The following ZNF804B variants were observed in gnomAD, a reference collection of about 807,000 sequenced individuals.
ZNF804B encodes the protein zinc finger 804B.
A neutral mutation model predicts 101.4 loss-of-function variants in ZNF804B; 80 were observed. The ratio of observed to expected loss-of-function variants is 0.79; its 90% CI spans 0.66 to 0.95. ZNF804B has a LOEUF of 0.95. ZNF804B is among the 40% of genes least tolerant of loss of function. The pLI, the probability that ZNF804B is intolerant of heterozygous loss-of-function variation, is 0.00. For missense variants in ZNF804B, 1,673 were observed against 1,561.9 expected, an observed-to-expected ratio of 1.07 and a Z score of -1.20; for synonymous variants, 622 against 558.8, an observed-to-expected ratio of 1.11 and a Z score of -1.59.
chr7:88,849,703 ATTAAT>A (rs1791423497), intron 1 of ZNF804B, among the ~76,000 whole-genome samples: 1 of 151,222 alleles, frequency 6.6e-6, no homozygotes, highest in African/African-American at 2.4e-5. Flanking sequence ...TTTAAATTTT[ATTAAT>A]TTATTATTTA....
intron 1 of ZNF804B, among the ~76,000 whole-genome samples, chr7:89,168,905 T>C (rs1334054603): frequency 6.6e-6 from 1 of 152,090 alleles, no homozygotes; most frequent in Admixed American, 6.6e-5. Context: ...ACTCCCAAGA[T>C]GGCAGGAAGC....
intron 1 of ZNF804B, among the ~76,000 whole-genome samples, chr7:89,179,800 A>C (rs1195116122): frequency 6.6e-6 from 1 of 152,134 alleles, no homozygotes; most frequent in African/African-American, 2.4e-5. Flanking sequence ...CTTTCCAAAT[A>C]TTCAAAGGGA....
chr7:89,116,075 T>G lies in ZNF804B; in HGVS notation c.109-102080T>G, dbSNP rs1790307818. On this transcript the variant is annotated intron_variant, in intron 1 of 3. Transcript: ENST00000333190. ...ACATGCCACCATGCCCAGTTATTAT[T>G]TTTTTTTTTTGTATTTTTAGTAAAA... Among the ~76,000 whole-genome samples, 3 of 127,384 alleles carry G rather than the reference T, an allele frequency of 2.4e-5. No homozygotes were observed. The South Asian group carries it at 6.6e-4, about 28-fold the overall frequency. 83.6% of individuals were successfully genotyped at this position (127,384 alleles called of 152,430 possible).
chr7:88,973,520 G>T (rs1252535860), intron 1 of ZNF804B, among the ~76,000 whole-genome samples: 2 of 150,578 alleles, frequency 1.3e-5, no homozygotes, highest in East Asian at 3.9e-4. Flanking sequence ...TAATTTTCTA[G>T]CTAGCAATGT....
rs576341743 is a variant in ZNF804B at position 88,912,436 on chromosome 7, A to T, written c.108+152352A>T. On this transcript the variant is annotated intron_variant, in intron 1 of 3. Coordinates refer to ENST00000333190, the MANE Select transcript of ZNF804B (RefSeq NM_181646.5). Reference sequence around the variant, plus strand: ...TGGTGAGCAACATTTTTTAATTTAGATGAAGTATAAGTTATTAATTTCTTT... The same window carrying T: ...TGGTGAGCAACATTTTTTAATTTAGTTGAAGTATAAGTTATTAATTTCTTT... Among the ~76,000 whole-genome samples, 7 of 152,246 alleles carry T rather than the reference A, an allele frequency of 4.6e-5. No homozygotes were observed. In the South Asian group the frequency reaches 1.4e-3, roughly 31 times the overall value.
intron 1 of ZNF804B, among the ~76,000 whole-genome samples, chr7:88,871,649 AT>A (rs763466396): frequency 5.9e-5 from 9 of 152,106 alleles, no homozygotes; most frequent in Non-Finnish European, 1.3e-4. Context: ...GCATTTTTCC[AT>A]TTGTCGAAGG....
intron 1 of ZNF804B, among the ~76,000 whole-genome samples, chr7:88,938,911 C>T (rs1370050509): frequency 1.3e-5 from 2 of 151,864 alleles, no homozygotes; most frequent in Non-Finnish European, 2.9e-5. Context: ...CCTTAAGGAA[C>T]AAGTTTGTTT....
intron 1 of ZNF804B, among the ~76,000 whole-genome samples, chr7:88,999,487 T>C (rs1788252581): frequency 6.6e-6 from 1 of 151,964 alleles, no homozygotes; most frequent in Admixed American, 6.6e-5. Context: ...AGGGAACTTT[T>C]CATTAAACAC....
chr7:89,196,405 T>C (rs887034854), intron 1 of ZNF804B, among the ~76,000 whole-genome samples: 11 of 152,158 alleles, frequency 7.2e-5, no homozygotes, highest in African/African-American at 2.7e-4. Context: ...TAAATGGTGC[T>C]GGGAAAGCTG....
At chr7:89,037,236 A>G (rs182752355) in intron 1 of ZNF804B, among the ~76,000 whole-genome samples, 186 of 152,220 alleles carry the variant, frequency 1.2e-3, no homozygotes, top group African/African-American at 4.3e-3. Context: ...ATACCAATAG[A>G]AAATCAAATA....
chr7:88,896,739 T>C (rs1219571637), intron 1 of ZNF804B, among the ~76,000 whole-genome samples: 1 of 152,118 alleles, frequency 6.6e-6, no homozygotes, highest in Non-Finnish European at 1.5e-5. Flanking sequence ...CTATAATTGA[T>C]TTGGAATTGA....
chr7:89,126,526 CAAA>C (rs1349590660), intron 1 of ZNF804B, among the ~76,000 whole-genome samples: 1 of 151,928 alleles, frequency 6.6e-6, no homozygotes, highest in African/African-American at 2.4e-5. Context: ...TTCTTCATGA[CAAA>C]AACTTAGAAT....
chr7:89,085,583 A>T (rs886804641), intron 1 of ZNF804B, among the ~76,000 whole-genome samples: 2 of 151,836 alleles, frequency 1.3e-5, no homozygotes, highest in African/African-American at 4.8e-5. Flanking sequence ...TTTCACTTGG[A>T]TGCATGAACA....
intron 1 of ZNF804B, among the ~76,000 whole-genome samples, chr7:89,092,867 T>C (rs902065244): frequency 6.6e-5 from 10 of 152,198 alleles, no homozygotes; most frequent in African/African-American, 2.4e-4. Context: ...GTTCCTTTTA[T>C]TGGAGGGTAG....
chr7:89,193,834 G>T (rs28761193), intron 1 of ZNF804B, among the ~76,000 whole-genome samples: 1 of 151,352 alleles, frequency 6.6e-6, no homozygotes, highest in African/African-American at 2.4e-5. Context: ...GCCCAGTAAC[G>T]GGATGGCTGG....
chr7:89,161,581 G>A (rs1019570574), intron 1 of ZNF804B, among the ~76,000 whole-genome samples: 1 of 151,908 alleles, frequency 6.6e-6, no homozygotes, highest in African/African-American at 2.4e-5. Flanking sequence ...CAGAGATGGG[G>A]TTTCATTATG....
At chr7:88,819,242 G>C (rs1790935274) in intron 1 of ZNF804B, among the ~76,000 whole-genome samples, 1 of 152,074 alleles carries the variant, frequency 6.6e-6, no homozygotes, top group Non-Finnish European at 1.5e-5. Flanking sequence ...TCCTGCCTCA[G>C]CCTCTTGAGT....
intron 1 of ZNF804B, among the ~76,000 whole-genome samples, chr7:89,059,989 G>A (rs1789354252): frequency 6.6e-6 from 1 of 152,122 alleles, no homozygotes; most frequent in African/African-American, 2.4e-5. Flanking sequence ...GCTCTGGACT[G>A]ACTCACTAGG....
intron 2 of ZNF804B, among the ~76,000 whole-genome samples, chr7:89,280,264 TAG>T (rs1790068506): frequency 6.6e-6 from 1 of 151,618 alleles, no homozygotes; most frequent in Non-Finnish European, 1.5e-5. Flanking sequence ...AAGCAGTGTG[TAG>T]AGAGAAATTT....
Sources: allele counts gnomAD v4.1 joint callset (sites outside exome capture counted in the v4.1 genomes callset), GRCh38; gene constraint gnomAD v4.1.1; transcripts MANE v1.5; gene names NCBI Gene and HGNC (gene_info 2026-07-23, HGNC 2026-07-21).